ZCWPW2: variants seen among roughly 807,000 people sequenced by gnomAD.
The protein encoded by ZCWPW2 is zinc finger CW-type PWWP domain protein 2.
Under a neutral mutation model 46.6 loss-of-function variants are expected in ZCWPW2, and 45 were observed. That is an observed-to-expected ratio of 0.96 (90% CI 0.76 to 1.24). ZCWPW2 has a LOEUF of 1.24. Ranked by LOEUF, ZCWPW2 falls within the 50% of genes most tolerant of loss-of-function variation. The pLI is 0.00. For synonymous variants in ZCWPW2, 152 were observed against 137.1 expected, an observed-to-expected ratio of 1.11 and a Z score of -0.76; for missense variants, 429 against 403.9, an observed-to-expected ratio of 1.06 and a Z score of -0.53.
chr3:28,469,176 A>C (rs945327526), intron 4 of ZCWPW2, among the ~76,000 whole-genome samples: 3 of 152,100 alleles, frequency 2.0e-5, no homozygotes, highest in Non-Finnish European at 4.4e-5. Flanking sequence ...ATGGGTTATA[A>C]TATTTACAAG....
intron 8 of ZCWPW2, 152 bp from the exon 9 acceptor site, chr3:28,520,840 C>A: frequency 1.2e-6 from 1 of 861,286 alleles, no homozygotes; most frequent in Non-Finnish European, 1.7e-6. Flanking sequence ...AATTTTGTAT[C>A]AGGAAGAAGT....
intron 3 of ZCWPW2, among the ~76,000 whole-genome samples, chr3:28,425,375 C>T (rs1268620349): frequency 6.6e-6 from 1 of 152,044 alleles, no homozygotes; most frequent in African/African-American, 2.4e-5. Context: ...AAGATAATAA[C>T]AGGATAAATT....
chr3:28,437,273 C>T (rs183832294), intron 4 of ZCWPW2, among the ~76,000 whole-genome samples: 1 of 152,124 alleles, frequency 6.6e-6, no homozygotes. Flanking sequence ...ATTGCTAAAT[C>T]TTACTTCATA....
intron 2 of ZCWPW2, among the ~76,000 whole-genome samples, chr3:28,406,826 C>CTTTTTTTTTTTTTTT: frequency 8.3e-6 from 1 of 119,984 alleles, no homozygotes; most frequent in Non-Finnish European, 1.7e-5. Context: ...TCTTTTTTTT[C>CTTTTTTTTTTTTTTT]TTTTTTTTTT....
chr3:28,389,511 A>G (rs1487367862), intron 1 of ZCWPW2, among the ~76,000 whole-genome samples: 4 of 152,214 alleles, frequency 2.6e-5, no homozygotes, highest in Non-Finnish European at 5.9e-5. Context: ...CTATTGCCAT[A>G]TCATGCCATG....
intron 5 of ZCWPW2, among the ~76,000 whole-genome samples, chr3:28,481,321 G>T (rs1003627645): frequency 1.3e-5 from 2 of 152,044 alleles, no homozygotes; most frequent in African/African-American, 4.8e-5. Context: ...TTGGCTCACC[G>T]CAACCTCCGC....
chr3:28,451,986 T>C (rs1337722102), intron 4 of ZCWPW2, among the ~76,000 whole-genome samples: 3 of 152,238 alleles, frequency 2.0e-5, no homozygotes, highest in Non-Finnish European at 2.9e-5. Flanking sequence ...ATTATTAGAT[T>C]CAACCTTTGT....
intron 1 of ZCWPW2, among the ~76,000 whole-genome samples, chr3:28,384,199 T>C (rs1273454200): frequency 6.6e-6 from 1 of 152,210 alleles, no homozygotes; most frequent in African/African-American, 2.4e-5. Flanking sequence ...ACCACAGTCT[T>C]CTTTCCTTGC....
In ZCWPW2 at chr3:28,443,361, C is replaced by T. The variant is rs190075664; in HGVS notation, c.492+8092C>T. Among the ~76,000 whole-genome samples, 19 of 152,184 alleles carry T rather than the reference C, an allele frequency of 1.2e-4. No individual in the cohort carries two copies. The East Asian group carries it at 2.5e-3, about 20-fold the overall frequency. On this transcript the variant is annotated intron_variant, in intron 4 of 9. Coordinates refer to ENST00000383768, the MANE Select transcript of ZCWPW2 (RefSeq NM_001040432.4). ...AGTGGGGTCCTTCCTCAAGGTGACC[C>T]GGCCTCCCCTTCATTCAAGTGGTTC...
At chr3:28,388,645 C>T (rs1695370800) in intron 1 of ZCWPW2, among the ~76,000 whole-genome samples, 1 of 152,036 alleles carries the variant, frequency 6.6e-6, no homozygotes, top group Non-Finnish European at 1.5e-5. Flanking sequence ...CTTATACTCA[C>T]ATATATTCAT....
chr3:28,412,973 A>T, intron 2 of ZCWPW2, 83 bp from the exon 3 acceptor site: 1 of 1,081,328 alleles, frequency 9.2e-7, no homozygotes, highest in Non-Finnish European at 1.3e-6. Flanking sequence ...TCAAAGAGGA[A>T]TTTCTCTGAT....
At chr3:28,449,383 A>G (rs1698137900) in intron 4 of ZCWPW2, among the ~76,000 whole-genome samples, 1 of 152,248 alleles carries the variant, frequency 6.6e-6, no homozygotes, top group South Asian at 2.1e-4. Flanking sequence ...ACATCATGAA[A>G]GAACCTTGAG....
In ZCWPW2 at chr3:28,451,844, A is replaced by C. The variant is rs574707918; in HGVS notation, c.492+16575A>C. 5.9e-5 allele frequency among the ~76,000 whole-genome samples: 9 copies of C among 152,326 alleles called. No individual in the cohort carries two copies. In the East Asian group the frequency reaches 7.7e-4, roughly 13 times the overall value. ...ACACACTGGAAAAATACGTTGGAAA[A>C]TAAAAACTAAAAACTAAAAAACTCT... On this transcript the variant is annotated intron_variant, in intron 4 of 9. Coordinates refer to ENST00000383768, the MANE Select transcript of ZCWPW2 (RefSeq NM_001040432.4).
chr3:28,447,964 T>C (rs988649818), intron 4 of ZCWPW2: 6 of 643,262 alleles, frequency 9.3e-6, no homozygotes, highest in Admixed American at 5.9e-5. Flanking sequence ...CTATGGTGTT[T>C]CCATGTGTGC....
At chr3:28,363,640 T>C (rs1457162557) in intron 1 of ZCWPW2, among the ~76,000 whole-genome samples, 1 of 152,096 alleles carries the variant, frequency 6.6e-6, no homozygotes, top group Non-Finnish European at 1.5e-5. Flanking sequence ...ACCTCCTTTA[T>C]CAAGCTCTCA....
chr3:28,436,331 T>C (rs1005182375), intron 4 of ZCWPW2, among the ~76,000 whole-genome samples: 2 of 143,700 alleles, frequency 1.4e-5, no homozygotes, highest in African/African-American at 5.4e-5. Flanking sequence ...TTCTTTTTTT[T>C]TTTTTTTTTT....
chr3:28,402,177 G>T (rs148498071), intron 2 of ZCWPW2, among the ~76,000 whole-genome samples: 1 of 152,002 alleles, frequency 6.6e-6, no homozygotes, highest in African/African-American at 2.4e-5. Context: ...TAGACTATTA[G>T]CAAGATTAAC....
In ZCWPW2 at chr3:28,525,789, A is replaced by C. The variant is rs940518002; in HGVS notation, c.*1101A>C. 6.6e-6 allele frequency among the ~76,000 whole-genome samples: 1 copy of C among 152,198 alleles called. No homozygotes were observed. Among genetic ancestry groups the C allele is most frequent in the Non-Finnish European group, 1.5e-5 (1 of 68,030 alleles). On this transcript the variant is annotated 3_prime_UTR_variant, in exon 10 of 10. Coordinates refer to ENST00000383768, the MANE Select transcript of ZCWPW2 (RefSeq NM_001040432.4). ...AGTGGAGATAGACTCACAACGGTGA[A>C]ATATCTTATTTGTCAAAGTAAAGTA...
chr3:28,453,737 A>G (rs1326335161), intron 4 of ZCWPW2, among the ~76,000 whole-genome samples: 2 of 151,934 alleles, frequency 1.3e-5, no homozygotes, highest in South Asian at 2.1e-4. Flanking sequence ...ACATTCTTCC[A>G]TCAAGAATGG....
Sources: allele counts gnomAD v4.1 joint callset (sites outside exome capture counted in the v4.1 genomes callset), GRCh38; gene constraint gnomAD v4.1.1; transcripts MANE v1.5; gene names NCBI Gene and HGNC (gene_info 2026-07-23, HGNC 2026-07-21).